Variants in RASSF5 observed in about 807,000 individuals in gnomAD.
RASSF5 encodes Ras association domain family member 5.
In RASSF5, 25 loss-of-function variants were observed where a neutral mutation model predicts 40.5. The observed-to-expected ratio is 0.62, with a 90% CI of 0.45 to 0.86. RASSF5 has a LOEUF of 0.86. RASSF5 is among the 40% of genes least tolerant of loss of function. The probability of loss-of-function intolerance (pLI) is 0.00; values close to 1 mark genes in which losing one functional copy is unlikely to be tolerated. For missense variants in RASSF5, 521 were observed against 572.8 expected, an observed-to-expected ratio of 0.91 and a Z score of 0.92; for synonymous variants, 246 against 252.4, an observed-to-expected ratio of 0.97 and a Z score of 0.24.
At chr1:206,511,836 C>T (rs1188786329) in intron 1 of RASSF5, among the ~76,000 whole-genome samples, 5 of 152,190 alleles carry the variant, frequency 3.3e-5, no homozygotes, top group Non-Finnish European at 7.3e-5. Context: ...ACTTTCTGCA[C>T]AGCTGGAACC....
rs1190919375 is a variant in RASSF5, at chr1:206,513,963, C to G, written c.457+5904C>G. Reference sequence around the variant, plus strand: ...TGGGGAAGTGACTTTTGAGTTTTTTCTGAAGCACTCATAACTATGCTGAGG... The same window carrying G: ...TGGGGAAGTGACTTTTGAGTTTTTTGTGAAGCACTCATAACTATGCTGAGG... On this transcript the variant is annotated intron_variant, in intron 1 of 5. Transcript: ENST00000579436. The surrounding 1 kb of genome is among the most constrained non-coding windows in gnomAD (Gnocchi z 5.0). 6.6e-6 allele frequency among the ~76,000 whole-genome samples: 1 copy of G among 152,208 alleles called. No individual in the cohort carries two copies. Among genetic ancestry groups the G allele is most frequent in the Non-Finnish European group, 1.5e-5 (1 of 68,038 alleles).
At chr1:206,571,474 G>T (rs904706242) in intron 2 of RASSF5, 4 of 152,196 alleles carry the variant, frequency 2.6e-5, no homozygotes, top group African/African-American at 9.7e-5. Flanking sequence ...TAACTCTGCA[G>T]TACTCTGGTT....
intron 2 of RASSF5, among the ~76,000 whole-genome samples, chr1:206,572,365 G>C (rs1572352274): frequency 6.6e-6 from 1 of 152,164 alleles, no homozygotes; most frequent in African/African-American, 2.4e-5. Context: ...TGGCCTTGGA[G>C]TGGCTGTGGA....
chr1:206,561,663 C>CTTTTTTTTTTTTTTTTTTTTTTTTTTTT (rs61094454), intron 2 of RASSF5, among the ~76,000 whole-genome samples: 1 of 118,016 alleles, frequency 8.5e-6, no homozygotes, highest in Non-Finnish European at 1.7e-5. Context: ...TTTTCTTTTT[C>CTTTTTTTTTTTTTTTTTTTTTTTTTTTT]TTTTTTTTTT....
At chr1:206,538,894 A>T (rs1667480200) in intron 2 of RASSF5, among the ~76,000 whole-genome samples, 1 of 152,222 alleles carries the variant, frequency 6.6e-6, no homozygotes, top group Non-Finnish European at 1.5e-5. Context: ...CTGTGTACCA[A>T]GCATGGGTGA....
chr1:206,558,021 C>T (rs1668038903), intron 2 of RASSF5, among the ~76,000 whole-genome samples: 1 of 152,212 alleles, frequency 6.6e-6, no homozygotes, highest in Admixed American at 6.5e-5. Flanking sequence ...CTCCCCAAAT[C>T]CTAGCTTAGA....
intron 2 of RASSF5, among the ~76,000 whole-genome samples, chr1:206,550,475 G>T (rs564078533): frequency 3.9e-5 from 6 of 152,156 alleles, no homozygotes; most frequent in Non-Finnish European, 8.8e-5. Flanking sequence ...CATTTTATTC[G>T]ATTTTGAACT....
Position 206,535,392 on chromosome 1 carries a change from T to C in RASSF5, c.458-2780T>C, listed in dbSNP as rs6666087. On this transcript the variant is annotated intron_variant, in intron 1 of 5. Coordinates refer to ENST00000579436, the MANE Select transcript of RASSF5 (RefSeq NM_182663.4). The surrounding 1 kb of genome is among the most constrained non-coding windows in gnomAD (Gnocchi z 5.0). The stretch of plus-strand genomic sequence containing the variant: ...ATGTGGCTCTGTCTTTGGAATCTCA[T>C]GGGTCTCCCCAATCCCTGAAAATGT... Among the ~76,000 whole-genome samples the C allele has an allele frequency of 0.36, 54,973 of 151,870 alleles. 10,241 individuals are homozygous for C. Among genetic ancestry groups the C allele is most frequent in the Admixed American group, 0.4 (6,086 of 15,268 alleles).
chr1:206,564,315 C>T lies in RASSF5; in HGVS notation c.580-18954C>T, dbSNP rs547848994. Among the ~76,000 whole-genome samples, 108 of 152,256 alleles carry T rather than the reference C, an allele frequency of 7.1e-4. 1 individual carries two copies. Among genetic ancestry groups the T allele is most frequent in the African/African-American group, 8.9e-4 (37 of 41,534 alleles). On this transcript the variant is annotated intron_variant, in intron 2 of 5. Transcript: ENST00000579436. Reference sequence around the variant, plus strand: ...CTCACCCAAGACATCCTTGTTCACACGCCGCTTAGTCCAGGCCATCCCTCA... The same window carrying T: ...CTCACCCAAGACATCCTTGTTCACATGCCGCTTAGTCCAGGCCATCCCTCA...
intron 4 of RASSF5, 72 bp from the exon 5 acceptor site, chr1:206,585,108 T>A: frequency 8.7e-7 from 1 of 1,150,656 alleles, no homozygotes; most frequent in Non-Finnish European, 1.3e-6. Flanking sequence ...GCATTTCCAA[T>A]CCTTTCCCGC....
chr1:206,525,648 T>C (rs909339921), intron 1 of RASSF5, among the ~76,000 whole-genome samples: 12 of 152,224 alleles, frequency 7.9e-5, no homozygotes, highest in Non-Finnish European at 1.6e-4. Context: ...TTAATTGTTT[T>C]GTTATGTTGC....
intron 1 of RASSF5, among the ~76,000 whole-genome samples, chr1:206,526,576 T>C (rs1206625350): frequency 1.3e-5 from 2 of 152,182 alleles, no homozygotes; most frequent in African/African-American, 2.4e-5. Flanking sequence ...TTATAGATCA[T>C]GTTGATTTTG....
chr1:206,583,294 C>A lies in RASSF5; in HGVS notation c.605C>A (p.Thr202Lys). 1 of 1,613,468 alleles carries A rather than the reference C, an allele frequency of 6.2e-7. No homozygotes were observed. The highest frequency in any genetic ancestry group is 8.5e-7 in the Non-Finnish European group (1 of 1,179,492). The change falls in exon 3 of 6, where the codon ACA (threonine) becomes AAA (lysine). Residue 202 changes from threonine (T) to lysine (K), a missense_variant. By Grantham distance (78) the Thr-to-Lys change is moderately conservative (BLOSUM62 -1). Around this residue, in one of 2 missense-constraint regions of RASSF5, gnomAD observed 284 missense variants for 360.8 expected, o/e 0.79. Coordinates refer to ENST00000579436, the MANE Select transcript of RASSF5 (RefSeq NM_182663.4). ...SQNVCKPVEE[T>K]QRPPTLQEIK... ...AATGTCTGTAAACCTGTGGAGGAGA[C>A]ACAGCGCCCGCCCACACTGCAGGAG... is the stretch of plus-strand genomic sequence containing the variant.
chr1:206,557,056 A>T, intron 2 of RASSF5: 1 of 785,464 alleles, frequency 1.3e-6, no homozygotes, highest in Non-Finnish European at 1.5e-6. Context: ...CAGTTCCCTG[A>T]GTCCACTTGC....
At chr1:206,511,887 CT>C (rs1251593319) in intron 1 of RASSF5, among the ~76,000 whole-genome samples, 3 of 152,140 alleles carry the variant, frequency 2.0e-5, no homozygotes, top group African/African-American at 7.2e-5. Context: ...CCATCCCCCG[CT>C]TGTGGGTTCT....
At chr1:206,563,858 T>G (rs797039102) in intron 2 of RASSF5, among the ~76,000 whole-genome samples, 3 of 152,288 alleles carry the variant, frequency 2.0e-5, no homozygotes, top group African/African-American at 7.2e-5. Flanking sequence ...AGAGACAGAT[T>G]CAAGGAGTCA....
At chr1:206,586,704 A>G (rs1287884623) in intron 5 of RASSF5, 122 bp from the exon 6 acceptor site, 3 of 774,506 alleles carry the variant, frequency 3.9e-6, no homozygotes, top group Non-Finnish European at 6.4e-6. Context: ...TCAGTAGCAA[A>G]CTGTGTGTGA....
intron 1 of RASSF5, among the ~76,000 whole-genome samples, chr1:206,509,087 A>G (rs1438565566): frequency 6.6e-6 from 1 of 152,176 alleles, no homozygotes; most frequent in African/African-American, 2.4e-5. Context: ...CAAAGCACAG[A>G]CAATGGCACA....
chr1:206,514,433 G>C (rs1666698815), intron 1 of RASSF5, among the ~76,000 whole-genome samples: 1 of 152,228 alleles, frequency 6.6e-6, no homozygotes, highest in South Asian at 2.1e-4. Context: ...AGAGTAGTCT[G>C]TTCATTTTTG....
Sources: gnomAD v4.1 joint callset for allele counts (sites outside exome capture counted in the v4.1 genomes callset) on GRCh38, gnomAD v4.1.1 for gene constraint, gnomAD v4.1.1 regional missense constraint, Gnocchi (gnomAD v3.1) non-coding constraint, MANE v1.5 for transcripts, NCBI Gene and HGNC (gene_info 2026-07-23, HGNC 2026-07-21) for gene names.